RBFOX3: variants seen among roughly 807,000 people sequenced by gnomAD.
RBFOX3 encodes the protein RNA binding fox-1 homolog 3.
Under a neutral mutation model 48.7 loss-of-function variants are expected in RBFOX3, and 17 were observed. The ratio of observed to expected loss-of-function variants is 0.35; its 90% CI spans 0.24 to 0.52. The LOEUF is 0.52. Among genes scored for constraint, RBFOX3 ranks in the 20% least tolerant of loss-of-function variants. RBFOX3 has a pLI of 0.94. For synonymous variants in RBFOX3, 212 were observed against 209.5 expected, an observed-to-expected ratio of 1.01 and a Z score of -0.10; for missense variants, 382 against 497.5, an observed-to-expected ratio of 0.77 and a Z score of 2.21.
intron 1 of RBFOX3, among the ~76,000 whole-genome samples, chr17:79,514,197 T>A (rs954052984): frequency 0.12 from 18,609 of 152,096 alleles, 3,674 homozygotes; most frequent in African/African-American, 0.42. Context: ...CGGCCAACAC[T>A]CCTGGGATTC....
At chr17:79,190,423 A>AAC (rs2054246382) in intron 4 of RBFOX3, among the ~76,000 whole-genome samples, 1 of 67,824 alleles carries the variant, frequency 1.5e-5, no homozygotes, top group Non-Finnish European at 4.0e-5. Flanking sequence ...CCAAAAAAAA[A>AAC]AAAAAAAACA....
Position 79,480,179 on chromosome 17 carries a change from C to T in RBFOX3, c.-175+2275G>A, listed in dbSNP as rs2078575889. Among the ~76,000 whole-genome samples the T allele has an allele frequency of 6.6e-6, 1 of 152,196 alleles. No individual in the cohort carries two copies. ...CACATTGCTGCTTCTCTGTCCCATA[C>T]AGGCTGGGGTGTGTGGCCTTCCTAT... On this transcript the variant is annotated intron_variant, in intron 2 of 14. Coordinates refer to ENST00000693108, the MANE Select transcript of RBFOX3 (RefSeq NM_001350451.2). This position sits in a 1 kb window ranked among gnomAD's most constrained non-coding sequence, Gnocchi z 4.8.
At chr17:79,445,625 C>CA (rs1338470710) in intron 2 of RBFOX3, among the ~76,000 whole-genome samples, 1 of 152,180 alleles carries the variant, frequency 6.6e-6, no homozygotes, top group Non-Finnish European at 1.5e-5. Flanking sequence ...CCACAAAAAG[C>CA]ATCTGTCTGC....
rs1209713511 is a variant in RBFOX3 at position 79,472,528 on chromosome 17, C to G, written c.-175+9926G>C. ...CAGACATGCACAGATCAAGGGGCGG[C>G]CATGTGAGGACATAAGGAGAAGATG... On this transcript the variant is annotated intron_variant, in intron 2 of 14. Coordinates refer to ENST00000693108, the MANE Select transcript of RBFOX3 (RefSeq NM_001350451.2). 3.3e-5 allele frequency among the ~76,000 whole-genome samples: 5 copies of G among 152,134 alleles called. 1 individual carries two copies. The South Asian group carries it at 8.3e-4, about 25-fold the overall frequency.
At chr17:79,095,061 C>G (rs980126111) in intron 13 of RBFOX3, among the ~76,000 whole-genome samples, 2 of 152,144 alleles carry the variant, frequency 1.3e-5, no homozygotes, top group African/African-American at 4.8e-5. Context: ...CACCACACTT[C>G]AGGGAGATGG....
rs111328830 is a variant in RBFOX3, at chr17:79,452,531, C to A, written c.-175+29923G>T. Among the ~76,000 whole-genome samples the A allele has an allele frequency of 3.6e-3, 548 of 152,292 alleles. 6 individuals are homozygous for A. The highest frequency in any genetic ancestry group is 0.013 in the African/African-American group (525 of 41,562). ...AGGGAGACCGTCCCCTGCCCTCTGG[C>A]TTCTGGCATGCAGCAGCGAATGGGT... On this transcript the variant is annotated intron_variant, in intron 2 of 14. Transcript: ENST00000693108.
At chr17:79,407,848 A>G (rs559800525) in intron 2 of RBFOX3, among the ~76,000 whole-genome samples, 11 of 152,178 alleles carry the variant, frequency 7.2e-5, no homozygotes, top group Non-Finnish European at 1.5e-4. Context: ...CTTTGCTAAG[A>G]CTAGAAACAA....
Position 79,480,844 on chromosome 17 carries a change from C to T in RBFOX3, c.-175+1610G>A, listed in dbSNP as rs899728992. On this transcript the variant is annotated intron_variant, in intron 2 of 14. Coordinates refer to ENST00000693108, the MANE Select transcript of RBFOX3 (RefSeq NM_001350451.2). The surrounding 1 kb of genome is among the most constrained non-coding windows in gnomAD (Gnocchi z 4.8). ...TGCATTTATCTTCACAGCGTTATGG[C>T]GCCTGACATACATTTATTCGCCATG... 1.9e-4 allele frequency among the ~76,000 whole-genome samples: 29 copies of T among 152,208 alleles called. No individual in the cohort carries two copies. Among genetic ancestry groups the T allele is most frequent in the Non-Finnish European group, 3.7e-4 (25 of 68,034 alleles).
chr17:79,360,799 T>C (rs75201135), intron 2 of RBFOX3, among the ~76,000 whole-genome samples: 2,196 of 150,992 alleles, frequency 0.015, 49 homozygotes, highest in African/African-American at 0.05. Context: ...AAATTTTAAT[T>C]GAGAAAAATT....
chr17:79,286,544 G>A (rs1023881859), intron 3 of RBFOX3, among the ~76,000 whole-genome samples: 2 of 152,198 alleles, frequency 1.3e-5, no homozygotes, highest in Non-Finnish European at 2.9e-5. Flanking sequence ...GTGCAGGGAG[G>A]GTTTGCCCAT....
chr17:79,233,276 T>C (rs1025158043), intron 4 of RBFOX3, among the ~76,000 whole-genome samples: 3 of 152,188 alleles, frequency 2.0e-5, no homozygotes, highest in Non-Finnish European at 2.9e-5. Flanking sequence ...TACGATTCTA[T>C]TTATATAAAA....
At chr17:79,562,314 C>G (rs2092274234) in intron 1 of RBFOX3, among the ~76,000 whole-genome samples, 1 of 152,178 alleles carries the variant, frequency 6.6e-6, no homozygotes, top group Non-Finnish European at 1.5e-5. Flanking sequence ...GGGCCAGAGT[C>G]CTGTGGCTCT....
At chr17:79,559,750 T>C (rs1742696841) in intron 1 of RBFOX3, among the ~76,000 whole-genome samples, 1 of 142,052 alleles carries the variant, frequency 7.0e-6, no homozygotes, top group Non-Finnish European at 1.5e-5. Flanking sequence ...AATGGGTAGA[T>C]GGATGGATGG....
At position 79,299,729 on chromosome 17, in the gene RBFOX3, T is replaced by C. The variant is rs1436630293; in HGVS notation, c.-74+7995A>G. Among the ~76,000 whole-genome samples, 2 of 152,254 alleles carry C rather than the reference T, an allele frequency of 1.3e-5. No individual in the cohort carries two copies. Among genetic ancestry groups the C allele is most frequent in the South Asian group, 2.1e-4 (1 of 4,830 alleles). On this transcript the variant is annotated intron_variant, in intron 3 of 14. Coordinates refer to ENST00000693108, the MANE Select transcript of RBFOX3 (RefSeq NM_001350451.2). The surrounding 1 kb of genome is among the most constrained non-coding windows in gnomAD (Gnocchi z 4.5). ...AATTAGGGTGAGTCTTAATCCAAAG[T>C]GACTGTTCTCCTGAAGAGGAGATTA...
intron 14 of RBFOX3, among the ~76,000 whole-genome samples, chr17:79,092,974 G>A (rs2074268697): frequency 1.3e-5 from 2 of 152,092 alleles, no homozygotes; most frequent in Admixed American, 1.3e-4. Context: ...GTCCCAGCTT[G>A]AGCCCCACCT....
intron 2 of RBFOX3, among the ~76,000 whole-genome samples, chr17:79,393,834 T>TGGTCATCACACACATCATCTGAGCC (rs1238012412): frequency 1.1e-4 from 17 of 149,714 alleles, no homozygotes; most frequent in Middle Eastern, 3.5e-3. Flanking sequence ...ACATCTGAGC[T>TGGTCATCACACACATCATCTGAGCC]GGTCATCACA....
intron 3 of RBFOX3, among the ~76,000 whole-genome samples, chr17:79,273,183 G>A (rs546032536): frequency 6.6e-6 from 1 of 152,272 alleles, no homozygotes; most frequent in South Asian, 2.1e-4. Flanking sequence ...GATCCAGGGT[G>A]TTCTCTGAGC....
intron 1 of RBFOX3, among the ~76,000 whole-genome samples, chr17:79,543,332 C>T (rs1002024834): frequency 6.6e-6 from 1 of 152,098 alleles, no homozygotes. Context: ...CACTGTGACT[C>T]CCTGATAAAC....
intron 2 of RBFOX3, among the ~76,000 whole-genome samples, chr17:79,382,035 AG>A (rs2059990689): frequency 6.6e-6 from 1 of 152,204 alleles, no homozygotes; most frequent in Admixed American, 6.5e-5. Flanking sequence ...AGAGCCCCCC[AG>A]GGCATGGCAG....
Sources: gnomAD v4.1 joint callset for allele counts (sites outside exome capture counted in the v4.1 genomes callset) on GRCh38, gnomAD v4.1.1 for gene constraint, Gnocchi (gnomAD v3.1) non-coding constraint, MANE v1.5 for transcripts, NCBI Gene and HGNC (gene_info 2026-07-23, HGNC 2026-07-21) for gene names.